Variants in EP300 observed in about 807,000 individuals in gnomAD.
EP300 encodes the protein histone acetyltransferase p300.
EP300 carries 31 observed loss-of-function variants against 264.0 expected under a neutral mutation model. That is an observed-to-expected ratio of 0.12 (90% confidence interval 0.09 to 0.16). The LOEUF (loss-of-function observed/expected upper bound fraction) is 0.16, where lower values mean the gene tolerates loss of function less well. EP300 is among the 10% of genes least tolerant of loss of function. EP300 has a pLI of 1.00. For synonymous variants in EP300, 1,340 were observed against 1,045.4 expected (o/e 1.28, Z -5.44); for missense variants, 2,766 against 3,052.9 (o/e 0.91, Z 2.21).
intron 1 of EP300, among the ~76,000 whole-genome samples, chr22:41,114,213 G>A (rs984438856): frequency 2.6e-5 from 4 of 151,988 alleles, no homozygotes; most frequent in Non-Finnish European, 4.4e-5. Context: ...ATAGGATCTC[G>A]CTCTGTCACC....
intron 1 of EP300, among the ~76,000 whole-genome samples, chr22:41,107,673 G>C (rs1680598444): frequency 6.6e-6 from 1 of 151,948 alleles, no homozygotes; most frequent in South Asian, 2.1e-4. Flanking sequence ...TTGATCCTTT[G>C]ATTTTTGGAA....
At chr22:41,146,661 G>A (rs533210329) in intron 10 of EP300, 78 bp from the exon 11 acceptor site, 14 of 1,196,250 alleles carry the variant, frequency 1.2e-5, no homozygotes, top group Non-Finnish European at 1.5e-5. Context: ...ATATTTTGTG[G>A]GGTTTGTGTG....
rs560633624 is a variant in EP300, at chr22:41,177,309, G to A, written c.5598G>A (p.Pro1866=). 9.6e-5 allele frequency: 155 copies of A among 1,613,830 alleles called. 1 individual carries two copies. The highest frequency in any genetic ancestry group is 8.2e-4 in the Middle Eastern group (5 of 6,062). Residue 1866 remains proline (P), a synonymous_variant, in exon 31 of 31, where the codon CCG becomes CCA. Coordinates refer to ENST00000263253, the MANE Select transcript of EP300 (RefSeq NM_001429.4). ...CAACTGGCCAACAGCCAACCACCCC[G>A]CAGACGCCCCAGCCCACTTCTCAGC... is the stretch of plus-strand genomic sequence containing the variant. ...TTPTGQQPTT[P]QTPQPTSQPQ...
intron 13 of EP300, 102 bp from the exon 14 acceptor site, chr22:41,149,659 T>C (rs1464331146): frequency 8.2e-7 from 1 of 1,222,358 alleles, no homozygotes; most frequent in Non-Finnish European, 1.2e-6. Flanking sequence ...TGCTACTCTT[T>C]GTTTAATCAG....
intron 2 of EP300, among the ~76,000 whole-genome samples, chr22:41,121,644 G>T (rs2058852634): frequency 6.6e-6 from 1 of 152,170 alleles, no homozygotes; most frequent in African/African-American, 2.4e-5. Context: ...TCGTGATCAA[G>T]GGAACAAGCA....
intron 16 of EP300, among the ~76,000 whole-genome samples, chr22:41,152,571 C>CA (rs1420661296): frequency 4.0e-5 from 6 of 151,182 alleles, no homozygotes; most frequent in Non-Finnish European, 7.4e-5. Flanking sequence ...TCATTCCCCT[C>CA]ATTTCTTCAG....
chr22:41,104,687 C>T (rs1338513062), intron 1 of EP300, among the ~76,000 whole-genome samples: 1 of 152,158 alleles, frequency 6.6e-6, no homozygotes, highest in Admixed American at 6.5e-5. Flanking sequence ...GGCCCCAGGT[C>T]ACATTCTTGA....
chr22:41,125,112 C>CTTTTTTTTTTTTTT (rs930135062), intron 2 of EP300, among the ~76,000 whole-genome samples: 1 of 80,348 alleles, frequency 1.2e-5, no homozygotes, highest in African/African-American at 5.0e-5. Flanking sequence ...CTTTTCTTTC[C>CTTTTTTTTTTTTTT]TTTTTTTTTT....
intron 1 of EP300, among the ~76,000 whole-genome samples, chr22:41,099,755 G>A (rs534903894): frequency 8.6e-4 from 131 of 152,262 alleles, no homozygotes; most frequent in African/African-American, 3.1e-3. Flanking sequence ...AGTAAAATAA[G>A]GGTTACTTAA....
At chr22:41,119,147 C>T (rs1383595617) in intron 2 of EP300, among the ~76,000 whole-genome samples, 5 of 146,488 alleles carry the variant, frequency 3.4e-5, no homozygotes, top group Non-Finnish European at 1.5e-5. Flanking sequence ...GAACTGAAGG[C>T]ACATACCACC....
intron 7 of EP300, among the ~76,000 whole-genome samples, chr22:41,136,727 G>A (rs1295398882): frequency 6.6e-6 from 1 of 152,178 alleles, no homozygotes; most frequent in Admixed American, 6.5e-5. Context: ...GAGGTGAGCT[G>A]TGTTAAAATG....
At chr22:41,150,494 C>G (rs2059037799) in intron 14 of EP300, among the ~76,000 whole-genome samples, 1 of 152,146 alleles carries the variant, frequency 6.6e-6, no homozygotes, top group African/African-American at 2.4e-5. Flanking sequence ...AATCCTTCTC[C>G]TTATTTAGTA....
intron 3 of EP300, among the ~76,000 whole-genome samples, chr22:41,126,863 G>A (rs1221329087): frequency 1.4e-5 from 2 of 143,290 alleles, no homozygotes; most frequent in African/African-American, 5.2e-5. Flanking sequence ...TCCTGCCTCA[G>A]CCTTCTGAGT....
rs1330066469 is a variant in EP300 at position 41,163,430 on chromosome 22, G to A, written c.3729-623G>A. ...AGCCTGGGCGACAGAGCGAGACTCCGTCTCAAAAAAAAAAAAAAAAAAAAA... is the reference window on the plus strand; with the variant it reads ...AGCCTGGGCGACAGAGCGAGACTCCATCTCAAAAAAAAAAAAAAAAAAAAA... On this transcript the variant is annotated intron_variant, in intron 21 of 30. Coordinates refer to ENST00000263253, the MANE Select transcript of EP300 (RefSeq NM_001429.4). 2.6e-4 allele frequency among the ~76,000 whole-genome samples: 21 copies of A among 80,964 alleles called. No individual in the cohort carries two copies. The East Asian group carries it at 5.3e-3, about 20-fold the overall frequency. The allele number at this position is 80,964 out of a possible 152,430, so 53.1% of individuals were successfully genotyped here.
At chr22:41,112,452 G>A (rs969432076) in intron 1 of EP300, among the ~76,000 whole-genome samples, 2 of 152,048 alleles carry the variant, frequency 1.3e-5, no homozygotes, top group African/African-American at 4.8e-5. Context: ...GCCCACCTTG[G>A]CCTCCCAAAG....
At chr22:41,118,057 C>T (rs559626354) in intron 2 of EP300, among the ~76,000 whole-genome samples, 1 of 152,196 alleles carries the variant, frequency 6.6e-6, no homozygotes, top group African/African-American at 2.4e-5. Flanking sequence ...CTCTCTGGCA[C>T]AAGTATTGGA....
At chr22:41,129,220 C>G (rs1335919375) in intron 4 of EP300, among the ~76,000 whole-genome samples, 1 of 151,886 alleles carries the variant, frequency 6.6e-6, no homozygotes, top group African/African-American at 2.4e-5. Context: ...ACTGTGTTAG[C>G]CAGGATGGTC....
Position 41,178,539 on chromosome 22 carries a change from C to T in EP300, c.6828C>T (p.Asn2276=). ...AGATGGGGTCCCCTGTTCAGCCCAA[C>T]CCCATGAGCCCCCAGCAGCATATGC... is the stretch of plus-strand genomic sequence containing the variant. ...QQQMGSPVQP[N]PMSPQQHMLP... is the part of the protein sequence containing the mutation. Residue 2276 remains asparagine, a synonymous_variant, in exon 31 of 31, where the codon AAC becomes AAT. Coordinates refer to ENST00000263253, the MANE Select transcript of EP300 (RefSeq NM_001429.4). 1 of 1,613,950 alleles carries T rather than the reference C, an allele frequency of 6.2e-7. No individual in the cohort carries two copies. The highest frequency in any genetic ancestry group is 8.5e-7 in the Non-Finnish European group (1 of 1,179,976).
intron 2 of EP300, among the ~76,000 whole-genome samples, chr22:41,123,840 T>C (rs1601602340): frequency 6.6e-6 from 1 of 152,240 alleles, no homozygotes; most frequent in Non-Finnish European, 1.5e-5. Flanking sequence ...TTTATAACTT[T>C]CATTATTAGT....
Sources: gnomAD v4.1 joint callset for allele counts (sites outside exome capture counted in the v4.1 genomes callset) on GRCh38, gnomAD v4.1.1 for gene constraint, MANE v1.5 for transcripts, NCBI Gene and HGNC (gene_info 2026-07-23, HGNC 2026-07-21) for gene names.